The following DLG2 variants were observed in gnomAD, a reference collection of about 807,000 sequenced individuals.
The protein encoded by DLG2 is disks large homolog 2.
Under a neutral mutation model 132.5 loss-of-function variants are expected in DLG2, and 45 were observed. That is an observed-to-expected ratio of 0.34 (90% CI 0.27 to 0.44). DLG2 has a LOEUF of 0.44. DLG2 is among the 20% of genes least tolerant of loss of function. The pLI is 1.00. For missense variants in DLG2, 1,045 were observed against 1,196.9 expected, an observed-to-expected ratio of 0.87 and a Z score of 1.87; for synonymous variants, 424 against 419.6, an observed-to-expected ratio of 1.01 and a Z score of -0.13.
intron 18 of DLG2, among the ~76,000 whole-genome samples, chr11:83,704,763 G>A (rs1472119715): frequency 6.6e-6 from 1 of 152,108 alleles, no homozygotes; most frequent in African/African-American, 2.4e-5. Context: ...GAAGGCGGAG[G>A]TGGCAGTGAG....
chr11:83,623,178 TC>T (rs559182622), intron 19 of DLG2, among the ~76,000 whole-genome samples: 38 of 152,308 alleles, frequency 2.5e-4, no homozygotes, highest in African/African-American at 8.9e-4. Context: ...TCCTTCTTTA[TC>T]TTTTTTTTTC....
At chr11:83,673,156 A>T (rs2077114761) in intron 18 of DLG2, among the ~76,000 whole-genome samples, 1 of 152,326 alleles carries the variant, frequency 6.6e-6, no homozygotes, top group East Asian at 1.9e-4. Flanking sequence ...TTTGGACTAA[A>T]AACATATATT....
At chr11:83,874,628 C>A (rs1346783381) in intron 15 of DLG2, 140 bp from the exon 16 acceptor site, 4 of 474,324 alleles carry the variant, frequency 8.4e-6, no homozygotes, top group Non-Finnish European at 1.4e-5. Context: ...TGTTGGTGTG[C>A]TGCACCCATT....
intron 6 of DLG2, among the ~76,000 whole-genome samples, chr11:85,057,346 A>G (rs1250345536): frequency 6.6e-6 from 1 of 151,670 alleles, no homozygotes; most frequent in Non-Finnish European, 1.5e-5. Context: ...TAATATTAGG[A>G]GTAAAAAATA....
chr11:83,621,710 C>G (rs1206776889), intron 19 of DLG2, among the ~76,000 whole-genome samples: 1 of 152,048 alleles, frequency 6.6e-6, no homozygotes, highest in Non-Finnish European at 1.5e-5. Context: ...GGCCTGGATC[C>G]TTGAAAATGT....
chr11:85,450,121 C>T (rs1332277697), intron 3 of DLG2, among the ~76,000 whole-genome samples: 1 of 152,056 alleles, frequency 6.6e-6, no homozygotes, highest in Non-Finnish European at 1.5e-5. Flanking sequence ...AAGAGTGAAA[C>T]TCCGTTTTAA....
At chr11:83,907,243 A>G (rs2075175176) in intron 15 of DLG2, among the ~76,000 whole-genome samples, 2 of 152,226 alleles carry the variant, frequency 1.3e-5, no homozygotes, top group African/African-American at 4.8e-5. Flanking sequence ...ATTAGAATAT[A>G]GTTAATCACC....
intron 19 of DLG2, among the ~76,000 whole-genome samples, chr11:83,581,523 G>C (rs1250858424): frequency 6.6e-6 from 1 of 152,100 alleles, no homozygotes; most frequent in African/African-American, 2.4e-5. Flanking sequence ...GAAGACATAA[G>C]AGCTGTCATA....
chr11:84,357,139 G>C (rs1434304959), intron 7 of DLG2, among the ~76,000 whole-genome samples: 3 of 152,066 alleles, frequency 2.0e-5, no homozygotes, highest in Non-Finnish European at 4.4e-5. Context: ...AAAGGGCTAT[G>C]AGCCGAGACA....
chr11:84,081,388 C>T (rs1292390339), intron 10 of DLG2, among the ~76,000 whole-genome samples: 1 of 150,042 alleles, frequency 6.7e-6, no homozygotes, highest in Non-Finnish European at 1.5e-5. Flanking sequence ...ATTATTAATT[C>T]AATCAGACAA....
Position 83,833,751 on chromosome 11 carries a change from G to A in DLG2, c.1585C>T (p.Leu529=), listed in dbSNP as rs764500986. 11 of 1,613,874 alleles carry A rather than the reference G, an allele frequency of 6.8e-6. 1 individual carries two copies. Among genetic ancestry groups the A allele is most frequent in the Middle Eastern group, 3.3e-4 (2 of 6,058 alleles). The change falls in exon 17 of 28, where the codon CTG becomes TTG. Residue 529 remains leucine, a synonymous_variant. Transcript: ENST00000376104. ...CCCAGGCCAGTGGAGCCTTTGTGCA[G>A]GACTACCTTGCGAGGCTCTCTGCAG... ...SLEGEPRKVV[L]HKGSTGLGFN...
intron 11 of DLG2, among the ~76,000 whole-genome samples, chr11:84,040,156 C>A (rs1437986408): frequency 6.7e-6 from 1 of 149,742 alleles, no homozygotes; most frequent in East Asian, 2.0e-4. Flanking sequence ...AAAATTTTCT[C>A]CCATTTTGTA....
At chr11:83,603,953 A>G (rs1268243511) in intron 19 of DLG2, among the ~76,000 whole-genome samples, 2 of 152,176 alleles carry the variant, frequency 1.3e-5, no homozygotes, top group Non-Finnish European at 2.9e-5. Context: ...ACCTCAGAAA[A>G]GTCAGATATA....
intron 7 of DLG2, among the ~76,000 whole-genome samples, chr11:84,251,927 C>T (rs147092474): frequency 1.7e-4 from 26 of 151,866 alleles, no homozygotes; most frequent in East Asian, 5.8e-4. Context: ...CATGAGCTAC[C>T]GCACTCGACC....
intron 6 of DLG2, among the ~76,000 whole-genome samples, chr11:84,960,512 T>C (rs1244648875): frequency 2.6e-5 from 4 of 151,772 alleles, no homozygotes; most frequent in Non-Finnish European, 5.9e-5. Flanking sequence ...CTCGGCTCAC[T>C]GCAACCTCCG....
At chr11:83,840,767 ACT>A (rs1294017513) in intron 16 of DLG2, among the ~76,000 whole-genome samples, 6 of 152,152 alleles carry the variant, frequency 3.9e-5, no homozygotes, top group Admixed American at 1.3e-4. Context: ...CCAGTGTGAG[ACT>A]CTGCCTTGTT....
At chr11:84,752,602 T>C (rs1276451188) in intron 6 of DLG2, among the ~76,000 whole-genome samples, 1 of 148,634 alleles carries the variant, frequency 6.7e-6, no homozygotes, top group Admixed American at 6.7e-5. Context: ...AGTTTTAGGG[T>C]ACATGTGCAC....
At chr11:84,050,269 T>C (rs149414395) in intron 11 of DLG2, among the ~76,000 whole-genome samples, 50 of 151,690 alleles carry the variant, frequency 3.3e-4, no homozygotes, top group African/African-American at 1.2e-3. Flanking sequence ...AAGCCTATTA[T>C]AGTACGCCAG....
intron 6 of DLG2, among the ~76,000 whole-genome samples, chr11:84,676,162 A>G (rs899731315): frequency 3.3e-5 from 5 of 152,100 alleles, no homozygotes; most frequent in African/African-American, 1.2e-4. Flanking sequence ...TATTAAGCAT[A>G]ACAAATAATA....
Sources: gnomAD v4.1 joint callset for allele counts (sites outside exome capture counted in the v4.1 genomes callset) on GRCh38, gnomAD v4.1.1 for gene constraint, MANE v1.5 for transcripts, NCBI Gene and HGNC (gene_info 2026-07-23, HGNC 2026-07-21) for gene names.